Variants in XRCC4 observed in about 807,000 individuals in gnomAD.
The protein encoded by XRCC4 is X-ray repair cross complementing 4.
Under a neutral mutation model 39.1 loss-of-function variants are expected in XRCC4, and 28 were observed. The ratio of observed to expected loss-of-function variants is 0.72; its 90% CI spans 0.53 to 0.98. XRCC4 has a LOEUF of 0.98. Among genes scored for constraint, XRCC4 ranks in the 50% least tolerant of loss-of-function variants. The probability of loss-of-function intolerance (pLI) is 0.00; values close to 1 mark genes in which losing one functional copy is unlikely to be tolerated. For missense variants in XRCC4, 350 were observed against 376.4 expected, an observed-to-expected ratio of 0.93 and a Z score of 0.58; for synonymous variants, 123 against 126.4, an observed-to-expected ratio of 0.97 and a Z score of 0.18.
intron 7 of XRCC4, among the ~76,000 whole-genome samples, chr5:83,276,695 C>T (rs956877670): frequency 1.1e-4 from 16 of 152,002 alleles, no homozygotes; most frequent in Non-Finnish European, 2.1e-4. Flanking sequence ...TATAAGTTAC[C>T]GTTTCCTATT....
intron 6 of XRCC4, among the ~76,000 whole-genome samples, chr5:83,220,956 G>A (rs6873610): frequency 0.043 from 6,585 of 152,106 alleles, 452 homozygotes; most frequent in African/African-American, 0.15. Context: ...TGATACAAAT[G>A]CATTTAAACA....
At chr5:83,209,461 G>A (rs1051178231) in intron 6 of XRCC4, among the ~76,000 whole-genome samples, 2 of 152,038 alleles carry the variant, frequency 1.3e-5, no homozygotes, top group Non-Finnish European at 2.9e-5. Context: ...AGAATTGTAT[G>A]TGAAAACAAT....
chr5:83,350,958 G>A (rs1757062751), intron 7 of XRCC4, among the ~76,000 whole-genome samples: 1 of 152,010 alleles, frequency 6.6e-6, no homozygotes, highest in Non-Finnish European at 1.5e-5. Context: ...TGAAAGGTAG[G>A]GCAATATGGT....
chr5:83,231,434 ATGTT>A lies in XRCC4; in HGVS notation c.745+26519_745+26522del, dbSNP rs1306065613. Among the ~76,000 whole-genome samples, 5 of 152,146 alleles carry A rather than the reference ATGTT, an allele frequency of 3.3e-5. No individual in the cohort carries two copies. In the East Asian group the frequency reaches 5.8e-4, roughly 18 times the overall value. ...TGCTGTGCACACAGTAGGATTTTTA[ATGTT>A]TGTTTATCAAGTGGTGAATGAATGC... is the stretch of plus-strand genomic sequence containing the variant. On this transcript the variant is annotated intron_variant, in intron 6 of 7. Coordinates refer to ENST00000396027, the MANE Select transcript of XRCC4 (RefSeq NM_003401.5).
At chr5:83,116,608 C>CTTTTTTTTTT (rs559079642) in intron 3 of XRCC4, among the ~76,000 whole-genome samples, 2 of 103,198 alleles carry the variant, frequency 1.9e-5, no homozygotes, top group Non-Finnish European at 3.8e-5. Context: ...TTCTCTCTCT[C>CTTTTTTTTTT]TTTTTTTTTT....
chr5:83,212,696 G>A (rs1580377574), intron 6 of XRCC4, among the ~76,000 whole-genome samples: 1 of 152,210 alleles, frequency 6.6e-6, no homozygotes, highest in African/African-American at 2.4e-5. Flanking sequence ...GGGAGGCTGA[G>A]GCAGGCAGAA....
the XRCC4 span, among the ~76,000 whole-genome samples, chr5:83,362,150 C>A: frequency 6.6e-6 from 1 of 151,966 alleles, no homozygotes; most frequent in South Asian, 2.1e-4. Flanking sequence ...GATGGCATGA[C>A]TTCCAGGCAA....
At chr5:83,273,165 C>G (rs188901596) in intron 7 of XRCC4, among the ~76,000 whole-genome samples, 2 of 152,334 alleles carry the variant, frequency 1.3e-5, no homozygotes, top group African/African-American at 2.4e-5. Flanking sequence ...TTGCATTTCT[C>G]TAATGGCCAG....
At chr5:83,240,380 G>C (rs1351626409) in intron 6 of XRCC4, among the ~76,000 whole-genome samples, 1 of 152,068 alleles carries the variant, frequency 6.6e-6, no homozygotes, top group Non-Finnish European at 1.5e-5. Flanking sequence ...AGGGGTATTG[G>C]ATCAAAACAA....
At chr5:83,215,630 T>C (rs938807779) in intron 6 of XRCC4, among the ~76,000 whole-genome samples, 4 of 152,218 alleles carry the variant, frequency 2.6e-5, no homozygotes, top group African/African-American at 9.6e-5. Context: ...GTCTCACTGA[T>C]AAAATGAGAA....
chr5:83,334,643 T>G (rs1297761284), intron 7 of XRCC4, among the ~76,000 whole-genome samples: 1 of 151,494 alleles, frequency 6.6e-6, no homozygotes, highest in East Asian at 2.0e-4. Flanking sequence ...AAAAATATTA[T>G]GTACATACGT....
At chr5:83,106,027 A>G (rs1329187452) in intron 2 of XRCC4, among the ~76,000 whole-genome samples, 1 of 152,188 alleles carries the variant, frequency 6.6e-6, no homozygotes, top group Non-Finnish European at 1.5e-5. Flanking sequence ...TTGACACAGA[A>G]CAGGTAATGT....
intron 3 of XRCC4, among the ~76,000 whole-genome samples, chr5:83,123,821 T>C (rs1747127259): frequency 6.6e-6 from 1 of 152,134 alleles, no homozygotes; most frequent in African/African-American, 2.4e-5. Context: ...TTTTATGAGC[T>C]TATGCTATTG....
intron 3 of XRCC4, among the ~76,000 whole-genome samples, chr5:83,191,573 C>A (rs1750696033): frequency 6.6e-6 from 1 of 151,998 alleles, no homozygotes; most frequent in Non-Finnish European, 1.5e-5. Context: ...GGTGGCCCAC[C>A]CCTGTAATCC....
intron 7 of XRCC4, among the ~76,000 whole-genome samples, chr5:83,278,396 T>A (rs1177515233): frequency 6.6e-6 from 1 of 152,196 alleles, no homozygotes; most frequent in African/African-American, 2.4e-5. Context: ...CCATTTTTAC[T>A]GCAATAATAA....
At chr5:83,085,217 G>C (rs1386275475) in intron 1 of XRCC4, among the ~76,000 whole-genome samples, 1 of 152,118 alleles carries the variant, frequency 6.6e-6, no homozygotes. Context: ...AGAAGCACAT[G>C]GCTGCTAAGA....
chr5:83,130,682 C>T (rs1035966971), intron 3 of XRCC4, among the ~76,000 whole-genome samples: 2 of 152,124 alleles, frequency 1.3e-5, no homozygotes, highest in African/African-American at 2.4e-5. Flanking sequence ...TCAGCTTCTT[C>T]CTGGTTTAGT....
At chr5:83,240,195 A>G (rs1264115380) in intron 6 of XRCC4, among the ~76,000 whole-genome samples, 1 of 152,144 alleles carries the variant, frequency 6.6e-6, no homozygotes, top group African/African-American at 2.4e-5. Flanking sequence ...GAATGAATGA[A>G]TGTAAAAATA....
chr5:83,310,892 C>A (rs898780751), intron 7 of XRCC4: 1 of 455,498 alleles, frequency 2.2e-6, no homozygotes, highest in Non-Finnish European at 4.4e-6. Flanking sequence ...GAACGTGAGC[C>A]AACAGATCCA....
Sources: gnomAD v4.1 joint callset for allele counts (sites outside exome capture counted in the v4.1 genomes callset) on GRCh38, gnomAD v4.1.1 for gene constraint, MANE v1.5 for transcripts, NCBI Gene and HGNC (gene_info 2026-07-23, HGNC 2026-07-21) for gene names.